MKLN1: variants seen among roughly 807,000 people sequenced by gnomAD.
The protein encoded by MKLN1 is muskelin 1, also known as muskelin.
MKLN1 carries 18 observed loss-of-function variants against 99.0 expected under a neutral mutation model. The ratio of observed to expected loss-of-function variants is 0.18; its 90% confidence interval spans 0.13 to 0.27. The LOEUF is 0.27. Ranked by LOEUF, MKLN1 falls within the 10% of genes least tolerant of loss-of-function variation. The pLI, the probability that MKLN1 is intolerant of heterozygous loss-of-function variation, is 1.00. For missense variants in MKLN1, 621 were observed against 875.9 expected (o/e 0.71, Z 3.67); for synonymous variants, 288 against 293.2 (o/e 0.98, Z 0.18).
intron 2 of MKLN1, among the ~76,000 whole-genome samples, chr7:131,196,586 G>A (rs1390186181): frequency 6.6e-6 from 1 of 151,836 alleles, no homozygotes; most frequent in Admixed American, 6.6e-5. Flanking sequence ...TGTAAATAAT[G>A]AAGCTGCCAT....
intron 11 of MKLN1, among the ~76,000 whole-genome samples, chr7:131,444,569 T>C (rs1795938268): frequency 6.6e-6 from 1 of 151,980 alleles, no homozygotes; most frequent in Admixed American, 6.6e-5. Context: ...ATGTCTTCTA[T>C]TTTGTAACTT....
intron 2 of MKLN1, among the ~76,000 whole-genome samples, chr7:131,378,564 T>A (rs761541940): frequency 2.6e-5 from 4 of 152,218 alleles, no homozygotes; most frequent in Non-Finnish European, 4.4e-5. Flanking sequence ...ACGTGGTGGC[T>A]CATGCCTGTA....
chr7:131,401,976 G>C (rs968757372), intron 6 of MKLN1, among the ~76,000 whole-genome samples: 4 of 152,130 alleles, frequency 2.6e-5, no homozygotes, highest in Non-Finnish European at 5.9e-5. Flanking sequence ...GCTGAAAGTT[G>C]GGGTGGCTGT....
At chr7:131,346,695 A>C (rs1799572851) in intron 1 of MKLN1, among the ~76,000 whole-genome samples, 1 of 152,208 alleles carries the variant, frequency 6.6e-6, no homozygotes, top group Non-Finnish European at 1.5e-5. Flanking sequence ...ATTAACTGAC[A>C]GCAGTTTGCA....
chr7:131,429,188 C>T (rs369015945), intron 9 of MKLN1, 43 bp downstream of exon 9: 172 of 1,270,716 alleles, frequency 1.4e-4, no homozygotes, highest in Non-Finnish European at 1.7e-4. Context: ...ACAGAAGGGG[C>T]GTAGATGTGC....
chr7:131,404,743 T>C (rs915995536), intron 6 of MKLN1, among the ~76,000 whole-genome samples: 1 of 152,002 alleles, frequency 6.6e-6, no homozygotes, highest in Non-Finnish European at 1.5e-5. Flanking sequence ...TAGCAGGGAC[T>C]ACAGGTGTGC....
At chr7:131,441,685 G>T (rs538466793) in intron 10 of MKLN1, among the ~76,000 whole-genome samples, 9 of 152,296 alleles carry the variant, frequency 5.9e-5, no homozygotes, top group African/African-American at 1.7e-4. Context: ...CCAAGATAAA[G>T]ATGTTTATAC....
At chr7:131,328,622 A>G (rs1331555048) in intron 1 of MKLN1, among the ~76,000 whole-genome samples, 1 of 152,088 alleles carries the variant, frequency 6.6e-6, no homozygotes, top group Non-Finnish European at 1.5e-5. Flanking sequence ...AAAGATAGGG[A>G]GTGGGAAGGA....
In MKLN1 at chr7:131,126,461, A is replaced by C. The variant is rs530572863; in HGVS notation, c.-419+16254A>C. Reference sequence around the variant, plus strand: ...GTACAGATATCCCCCCATGTTTTTAATATTTCTAAAATGAGAATGTAGGTA... The same window carrying C: ...GTACAGATATCCCCCCATGTTTTTACTATTTCTAAAATGAGAATGTAGGTA... On this transcript the variant is annotated intron_variant, in intron 1 of 7. Coordinates refer to the MKLN1 transcript ENST00000416992. Among the ~76,000 whole-genome samples, 80 of 152,308 alleles carry C rather than the reference A, an allele frequency of 5.3e-4. 1 individual carries two copies. The highest frequency in any genetic ancestry group is 1.9e-3 in the African/African-American group (77 of 41,568).
chr7:131,121,879 C>A (rs1267183142), intron 1 of MKLN1, among the ~76,000 whole-genome samples: 1 of 151,912 alleles, frequency 6.6e-6, no homozygotes, highest in Non-Finnish European at 1.5e-5. Context: ...AAAAGTGGGT[C>A]CAGGTCTAAT....
At chr7:131,293,261 A>G (rs1002134590) in intron 3 of MKLN1, among the ~76,000 whole-genome samples, 1 of 152,176 alleles carries the variant, frequency 6.6e-6, no homozygotes, top group African/African-American at 2.4e-5. Flanking sequence ...AACTTACCAA[A>G]TGACTTGGAT....
At chr7:131,409,847 G>A (rs1794820927) in intron 6 of MKLN1, among the ~76,000 whole-genome samples, 1 of 152,160 alleles carries the variant, frequency 6.6e-6, no homozygotes, top group African/African-American at 2.4e-5. Context: ...GGTTGATTCA[G>A]TGATCATTTC....
intron 1 of MKLN1, among the ~76,000 whole-genome samples, chr7:131,141,317 C>T (rs1795729427): frequency 6.6e-6 from 1 of 152,206 alleles, no homozygotes; most frequent in Non-Finnish European, 1.5e-5. Context: ...TCAGCACCTT[C>T]TCTCCAAAAT....
At chr7:131,388,121 C>A (rs571952681) in intron 3 of MKLN1, among the ~76,000 whole-genome samples, 1 of 152,248 alleles carries the variant, frequency 6.6e-6, no homozygotes, top group African/African-American at 2.4e-5. Flanking sequence ...GAGCCAAGAT[C>A]GCACCACTGC....
At chr7:131,434,278 T>C (rs561252425) in intron 9 of MKLN1, among the ~76,000 whole-genome samples, 2 of 152,366 alleles carry the variant, frequency 1.3e-5, no homozygotes, top group Admixed American at 6.5e-5. Flanking sequence ...CTCAGCACTC[T>C]TAAGAGTTTT....
chr7:131,310,956 GA>G (rs201556781), intron 3 of MKLN1, among the ~76,000 whole-genome samples: 7,957 of 150,924 alleles, frequency 0.053, 297 homozygotes, highest in Non-Finnish European at 0.074. Context: ...ATAGCTCAAG[GA>G]AAAAAAGTTT....
At chr7:131,170,483 G>A (rs1796199731) in intron 2 of MKLN1, among the ~76,000 whole-genome samples, 1 of 152,228 alleles carries the variant, frequency 6.6e-6, no homozygotes, top group Admixed American at 6.5e-5. Context: ...TTGAATTGCT[G>A]TGGCTGTTAT....
intron 9 of MKLN1, among the ~76,000 whole-genome samples, chr7:131,432,820 G>C (rs919563527): frequency 6.6e-6 from 1 of 152,146 alleles, no homozygotes; most frequent in African/African-American, 2.4e-5. Flanking sequence ...GGATTCATAT[G>C]CTTCTTTATT....
intron 1 of MKLN1, among the ~76,000 whole-genome samples, chr7:131,127,535 G>A (rs1795483408): frequency 6.6e-6 from 1 of 152,192 alleles, no homozygotes; most frequent in Admixed American, 6.5e-5. Flanking sequence ...AGAAGAGGAT[G>A]GAATGGAGAC....
Sources: gnomAD v4.1 joint callset for allele counts (sites outside exome capture counted in the v4.1 genomes callset) on GRCh38, gnomAD v4.1.1 for gene constraint, MANE v1.5 for transcripts, NCBI Gene and HGNC (gene_info 2026-07-23, HGNC 2026-07-21) for gene names.